FMNL2: variants seen among roughly 807,000 people sequenced by gnomAD.
The protein encoded by FMNL2 is formin-like protein 2.
A neutral mutation model predicts 130.2 loss-of-function variants in FMNL2; 51 were observed. That is an observed-to-expected ratio of 0.39 (90% CI 0.31 to 0.49). The LOEUF is 0.49. Ranked by LOEUF, FMNL2 falls within the 20% of genes least tolerant of loss-of-function variation. The pLI, the probability that FMNL2 is intolerant of heterozygous loss-of-function variation, is 0.85. For missense variants in FMNL2, 977 were observed against 1,316.2 expected (o/e 0.74, Z 3.99); for synonymous variants, 465 against 467.1 (o/e 1.00, Z 0.06).
intron 1 of FMNL2, among the ~76,000 whole-genome samples, chr2:152,393,815 A>G (rs1218098242): frequency 6.6e-6 from 1 of 152,234 alleles, no homozygotes; most frequent in African/African-American, 2.4e-5. Context: ...TGTGGGCCAT[A>G]CAGCTTCTGT....
intron 1 of FMNL2, among the ~76,000 whole-genome samples, chr2:152,394,625 CTT>C (rs969060217): frequency 6.1e-5 from 8 of 132,130 alleles, no homozygotes; most frequent in Admixed American, 7.7e-5. Context: ...AAAATTTTGA[CTT>C]TTTTTTTTTT....
chr2:152,422,961 T>A (rs1011597570), intron 1 of FMNL2, among the ~76,000 whole-genome samples: 1 of 152,238 alleles, frequency 6.6e-6, no homozygotes, highest in Non-Finnish European at 1.5e-5. Context: ...GGTACCCTTC[T>A]CTGATGTGCT....
chr2:152,534,894 A>G (rs1461197828), intron 2 of FMNL2, among the ~76,000 whole-genome samples: 1 of 152,188 alleles, frequency 6.6e-6, no homozygotes, highest in African/African-American at 2.4e-5. Flanking sequence ...ACACTTGGAA[A>G]GTTGTCCTTT....
At chr2:152,359,454 A>T (rs1478112987) in intron 1 of FMNL2, among the ~76,000 whole-genome samples, 1 of 149,132 alleles carries the variant, frequency 6.7e-6, no homozygotes, top group Non-Finnish European at 1.5e-5. Context: ...TTAATTTCAC[A>T]GTTGTAGCCG....
Position 152,542,961 on chromosome 2 carries a change from C to T in FMNL2, c.282+142C>T, listed in dbSNP as rs549749333. The T allele has an allele frequency of 3.6e-4, 297 of 816,062 alleles. 1 individual carries two copies. The African/African-American group carries it at 3.7e-3, about 10-fold the overall frequency. 50.6% of individuals were successfully genotyped at this position (816,062 alleles called of 1,614,324 possible). ...AAAAACAACCTTGGGAGACCAACAA[C>T]GTAAGAAGACAAAGGAAAAAAAACA... On this transcript the variant is annotated intron_variant, in intron 3 of 25. Transcript: ENST00000288670.
chr2:152,384,742 T>A (rs914979290), intron 1 of FMNL2, among the ~76,000 whole-genome samples: 4 of 152,208 alleles, frequency 2.6e-5, no homozygotes, highest in Admixed American at 1.3e-4. Flanking sequence ...ATGCAAGGGC[T>A]TCTGGTGGGG....
intron 7 of FMNL2, among the ~76,000 whole-genome samples, chr2:152,576,238 A>T (rs563052354): frequency 7.9e-4 from 120 of 152,216 alleles, no homozygotes; most frequent in African/African-American, 2.8e-3. Context: ...ACATGCATTT[A>T]TTCTTTCCAT....
intron 1 of FMNL2, among the ~76,000 whole-genome samples, chr2:152,478,720 A>G (rs1195808819): frequency 1.3e-5 from 2 of 152,304 alleles, no homozygotes; most frequent in Non-Finnish European, 2.9e-5. Context: ...TAATATAAAG[A>G]CTAATGTAGG....
intron 2 of FMNL2, among the ~76,000 whole-genome samples, chr2:152,538,274 GT>G (rs5835432): frequency 0.75 from 112,311 of 149,830 alleles, 42,316 homozygotes; most frequent in Admixed American, 0.82. Context: ...TTTATATGAG[GT>G]TTTTTTTTTT....
At chr2:152,589,385 A>C (rs1697261908) in intron 9 of FMNL2, among the ~76,000 whole-genome samples, 1 of 152,198 alleles carries the variant, frequency 6.6e-6, no homozygotes, top group Non-Finnish European at 1.5e-5. Flanking sequence ...TATTCCTATA[A>C]AAATGCCGCT....
intron 8 of FMNL2, among the ~76,000 whole-genome samples, chr2:152,579,467 G>A (rs1275684504): frequency 1.3e-5 from 2 of 152,194 alleles, no homozygotes; most frequent in Non-Finnish European, 2.9e-5. Context: ...GGAGGCCGAG[G>A]CAGGCAGATC....
chr2:152,353,966 T>C (rs1682649442), intron 1 of FMNL2, among the ~76,000 whole-genome samples: 1 of 152,218 alleles, frequency 6.6e-6, no homozygotes, highest in South Asian at 2.1e-4. Context: ...GCCATAAGAT[T>C]GTACCTACTG....
intron 1 of FMNL2, among the ~76,000 whole-genome samples, chr2:152,372,246 T>C (rs550751608): frequency 4.6e-5 from 7 of 152,314 alleles, no homozygotes; most frequent in Admixed American, 3.3e-4. Context: ...CTAAGAGTAC[T>C]CTGTAGGTAG....
intron 20 of FMNL2, among the ~76,000 whole-genome samples, chr2:152,631,392 CAAAAA>C (rs33966314): frequency 2.3e-4 from 18 of 77,244 alleles, no homozygotes; most frequent in South Asian, 5.1e-4. Flanking sequence ...GACTCCATCT[CAAAAA>C]AAAAAAAAAA....
In FMNL2 at chr2:152,456,860, C is replaced by T. The variant is rs183333835; in HGVS notation, c.118-65083C>T. 1.4e-3 allele frequency among the ~76,000 whole-genome samples: 208 copies of T among 149,152 alleles called. 2 individuals carry two copies. In the East Asian group the frequency reaches 0.02, roughly 14 times the overall value. ...GGCTGAGGCAGGAGAATCGCTTGAA[C>T]TTGGGAGGTGGAGGTTGCAGTGAGC... On this transcript the variant is annotated intron_variant, in intron 1 of 25. Transcript: ENST00000288670.
intron 1 of FMNL2, among the ~76,000 whole-genome samples, chr2:152,421,975 A>C (rs1396294118): frequency 2.6e-5 from 4 of 152,210 alleles, no homozygotes; most frequent in Admixed American, 6.5e-5. Flanking sequence ...CCTTCAAGCT[A>C]GGTAGGTTTA....
Position 152,640,862 on chromosome 2 carries a change from T to C in FMNL2, c.3117T>C (p.Asp1039=). ...AATTAAGAAGACGACAAGTTAAAGA[T>C]AACAGACATGTATATGAGGGAAAAG... ...IAELRRRQVK[D]NRHVYEGKDG... Residue 1039 remains aspartate, a synonymous_variant, in exon 25 of 26, where the codon GAT becomes GAC. Coordinates refer to ENST00000288670, the MANE Select transcript of FMNL2 (RefSeq NM_052905.4). 6.2e-7 allele frequency: 1 copy of C among 1,613,860 alleles called. No homozygotes were observed. Among genetic ancestry groups the C allele is most frequent in the Non-Finnish European group, 8.5e-7 (1 of 1,179,834 alleles).
chr2:152,436,958 AT>A (rs1490687763), intron 1 of FMNL2, among the ~76,000 whole-genome samples: 1 of 152,144 alleles, frequency 6.6e-6, no homozygotes, highest in Admixed American at 6.5e-5. Flanking sequence ...TCAACAACAC[AT>A]TTCTCACAGT....
At chr2:152,453,938 G>A (rs1332181791) in intron 1 of FMNL2, among the ~76,000 whole-genome samples, 1 of 152,136 alleles carries the variant, frequency 6.6e-6, no homozygotes, top group African/African-American at 2.4e-5. Flanking sequence ...GATACCTCAG[G>A]TATTGTATTG....
Sources: gnomAD v4.1 joint callset for allele counts (sites outside exome capture counted in the v4.1 genomes callset) on GRCh38, gnomAD v4.1.1 for gene constraint, MANE v1.5 for transcripts, NCBI Gene and HGNC (gene_info 2026-07-23, HGNC 2026-07-21) for gene names.